The following GRB10 variants were observed in gnomAD, a reference collection of about 807,000 sequenced individuals.
The protein encoded by GRB10 is growth factor receptor bound protein 10, also known as growth factor receptor-bound protein 10.
In GRB10, 20 loss-of-function variants were observed where a neutral mutation model predicts 80.9. That is an observed-to-expected ratio of 0.25 (90% CI 0.17 to 0.36). The LOEUF (loss-of-function observed/expected upper bound fraction) is 0.36, where lower values mean the gene tolerates loss of function less well. Ranked by LOEUF, GRB10 falls within the 10% of genes least tolerant of loss-of-function variation. The pLI is 1.00. For synonymous variants in GRB10, 291 were observed against 291.5 expected, an observed-to-expected ratio of 1.00 and a Z score of 0.02; for missense variants, 548 against 747.7, an observed-to-expected ratio of 0.73 and a Z score of 3.12.
intron 5 of GRB10, among the ~76,000 whole-genome samples, chr7:50,680,370 A>T (rs1253825974): frequency 6.6e-6 from 1 of 152,250 alleles, no homozygotes; most frequent in Non-Finnish European, 1.5e-5. Context: ...CCCAGCTCAC[A>T]AAAGACAAGG....
At chr7:50,605,232 G>T in intron 15 of GRB10, 58 bp downstream of exon 15, 2 of 1,310,286 alleles carry the variant, frequency 1.5e-6, no homozygotes, top group Non-Finnish European at 1.1e-6. Flanking sequence ...AGAAGACCAC[G>T]TGGTGGGGCT....
chr7:50,718,352 C>T (rs564448868), intron 4 of GRB10, among the ~76,000 whole-genome samples: 9 of 152,260 alleles, frequency 5.9e-5, no homozygotes, highest in South Asian at 2.1e-4. Flanking sequence ...GTTAGTTACC[C>T]ATGCAGAAAT....
At chr7:50,790,357 A>G (rs1289297203) in intron 1 of GRB10, among the ~76,000 whole-genome samples, 1 of 152,226 alleles carries the variant, frequency 6.6e-6, no homozygotes, top group East Asian at 1.9e-4. Flanking sequence ...CTGTACTTCT[A>G]CAGTTATATA....
At chr7:50,719,203 G>A (rs572411004) in intron 4 of GRB10, among the ~76,000 whole-genome samples, 1 of 152,342 alleles carries the variant, frequency 6.6e-6, no homozygotes, top group Admixed American at 6.5e-5. Context: ...AATTTACACA[G>A]AACACAAGGG....
intron 7 of GRB10, among the ~76,000 whole-genome samples, chr7:50,639,093 G>C (rs2055633026): frequency 6.6e-6 from 1 of 152,156 alleles, no homozygotes. Context: ...CCAAAATGGA[G>C]AAAGATGGAA....
chr7:50,671,530 C>A (rs984792309), intron 6 of GRB10, among the ~76,000 whole-genome samples: 1 of 152,254 alleles, frequency 6.6e-6, no homozygotes, highest in Non-Finnish European at 1.5e-5. Flanking sequence ...CTGCGAAATA[C>A]AGGAAAGCCG....
At chr7:50,609,696 T>C (rs777598197) in intron 13 of GRB10, among the ~76,000 whole-genome samples, 1 of 152,172 alleles carries the variant, frequency 6.6e-6, no homozygotes, top group Non-Finnish European at 1.5e-5. Context: ...CTACAGTAGA[T>C]TAAGAGACTT....
chr7:50,611,502 C>A (rs763492211), intron 13 of GRB10, among the ~76,000 whole-genome samples: 1 of 152,070 alleles, frequency 6.6e-6, no homozygotes, highest in Non-Finnish European at 1.5e-5. Flanking sequence ...TTTTTTTAAT[C>A]AGTGAAAACA....
rs7798102 is a variant in GRB10, at chr7:50,749,964, T to C, written c.-47+5923A>G. 9.8e-3 allele frequency among the ~76,000 whole-genome samples: 1,495 copies of C among 152,348 alleles called. 23 individuals are homozygous for C. The highest frequency in any genetic ancestry group is 0.034 in the African/African-American group (1,396 of 41,570). ...AATTGAAACTGTAACTTAAAAAAAA[T>C]TAATCTTCTTTTCAACTTAGGACAG... is the stretch of plus-strand genomic sequence containing the variant. On this transcript the variant is annotated intron_variant, in intron 3 of 18. Transcript: ENST00000401949.
intron 2 of GRB10, among the ~76,000 whole-genome samples, chr7:50,757,748 C>T (rs955116628): frequency 6.6e-6 from 1 of 152,206 alleles, no homozygotes; most frequent in Non-Finnish European, 1.5e-5. Context: ...GGGAAATGGA[C>T]TTACGGTCAC....
At chr7:50,718,084 C>G (rs1388770073) in intron 4 of GRB10, among the ~76,000 whole-genome samples, 3 of 152,172 alleles carry the variant, frequency 2.0e-5, no homozygotes, top group African/African-American at 7.2e-5. Context: ...TGACTAAGTG[C>G]CAGGACAAAG....
At chr7:50,765,639 G>A (rs368449171) in intron 2 of GRB10, among the ~76,000 whole-genome samples, 2 of 152,182 alleles carry the variant, frequency 1.3e-5, no homozygotes, top group African/African-American at 4.8e-5. Context: ...ACAGGGAAGA[G>A]TAGGGGGGTA....
At chr7:50,759,406 T>C (rs1465053957) in intron 2 of GRB10, among the ~76,000 whole-genome samples, 2 of 152,040 alleles carry the variant, frequency 1.3e-5, no homozygotes, top group African/African-American at 2.4e-5. Flanking sequence ...TCAGCACCTA[T>C]GGCGGATCGG....
chr7:50,744,250 A>G (rs2072435712), intron 3 of GRB10, among the ~76,000 whole-genome samples: 1 of 152,214 alleles, frequency 6.6e-6, no homozygotes, highest in Non-Finnish European at 1.5e-5. Context: ...GAACCATCAC[A>G]GGCCGGCAGG....
intron 7 of GRB10, among the ~76,000 whole-genome samples, chr7:50,659,941 C>A (rs779348528): frequency 3.5e-4 from 54 of 152,224 alleles, no homozygotes; most frequent in Non-Finnish European, 7.6e-4. Context: ...CTGTGGCACA[C>A]TGAGAAGACA....
At position 50,694,410 on chromosome 7, in the gene GRB10, C is replaced by T. The variant is rs543600267; in HGVS notation, c.139+9411G>A. 5.3e-5 allele frequency among the ~76,000 whole-genome samples: 8 copies of T among 152,226 alleles called. No individual in the cohort carries two copies. The East Asian group carries it at 7.7e-4, about 15-fold the overall frequency. On this transcript the variant is annotated intron_variant, in intron 5 of 18. Coordinates refer to ENST00000401949, the MANE Select transcript of GRB10 (RefSeq NM_001350814.2). ...CAATACAAGAGTAGGGGGCTAGGGTCGATTTGTGACGGGGTATTTGAGGGG... is the reference window on the plus strand; with the variant it reads ...CAATACAAGAGTAGGGGGCTAGGGTTGATTTGTGACGGGGTATTTGAGGGG...
chr7:50,670,292 T>A (rs1339138182), intron 6 of GRB10, among the ~76,000 whole-genome samples: 1 of 152,014 alleles, frequency 6.6e-6, no homozygotes, highest in Non-Finnish European at 1.5e-5. Context: ...CAATGGGGAA[T>A]CGCTGTTTAT....
rs777580027 is a variant in GRB10, at chr7:50,667,042, C to CAAAAAAA, written c.504+2673_504+2679dup. ...TGGGCGACAGAGCGAGACTCTGTCTCAAAAAAAAAAAAAAAAAAAGGAGAG... is the reference window on the plus strand; with the variant it reads ...TGGGCGACAGAGCGAGACTCTGTCTCAAAAAAAAAAAAAAAAAAAAAAAAAAGGAGAG... On this transcript the variant is annotated intron_variant, in intron 7 of 18. Transcript: ENST00000401949. Among the ~76,000 whole-genome samples the CAAAAAAA allele has an allele frequency of 2.6e-4, 28 of 108,118 alleles. No homozygotes were observed. In the South Asian group the frequency reaches 9.4e-3, roughly 36 times the overall value. 70.9% of individuals were successfully genotyped at this position (108,118 alleles called of 152,430 possible). A position where few individuals can be genotyped will look rare whatever the true frequency, so the allele number is the denominator to read the frequency against.
intron 4 of GRB10, among the ~76,000 whole-genome samples, chr7:50,722,771 C>T (rs2067969834): frequency 6.6e-6 from 1 of 152,162 alleles, no homozygotes; most frequent in Non-Finnish European, 1.5e-5. Flanking sequence ...CCTCCAAACA[C>T]ACAGCTTGTT....
Sources: allele counts gnomAD v4.1 joint callset (sites outside exome capture counted in the v4.1 genomes callset), GRCh38; gene constraint gnomAD v4.1.1; transcripts MANE v1.5; gene names NCBI Gene and HGNC (gene_info 2026-07-23, HGNC 2026-07-21).